CDH13: variants seen among roughly 807,000 people sequenced by gnomAD.
CDH13 encodes the protein cadherin-13.
In CDH13, 24 loss-of-function variants were observed where a neutral mutation model predicts 63.8. That is an observed-to-expected ratio of 0.38 (90% CI 0.27 to 0.53). The LOEUF (loss-of-function observed/expected upper bound fraction) is 0.53. Ranked by LOEUF, CDH13 falls within the 20% of genes least tolerant of loss-of-function variation. The pLI is 0.85. For missense variants in CDH13, 1,049 were observed against 903.1 expected, an observed-to-expected ratio of 1.16 and a Z score of -2.07; for synonymous variants, 503 against 355.3, an observed-to-expected ratio of 1.42 and a Z score of -4.67.
At chr16:83,119,127 C>G (rs1446355743) in intron 3 of CDH13, among the ~76,000 whole-genome samples, 1 of 152,190 alleles carries the variant, frequency 6.6e-6, no homozygotes, top group Admixed American at 6.5e-5. Context: ...TGGAGGAGAC[C>G]TCTGCCTTGT....
chr16:82,657,560 C>G (rs940730751), intron 1 of CDH13, among the ~76,000 whole-genome samples: 2 of 152,170 alleles, frequency 1.3e-5, no homozygotes, highest in Admixed American at 1.3e-4. Context: ...TATTTTCAGA[C>G]TGTGATTGAC....
intron 1 of CDH13, among the ~76,000 whole-genome samples, chr16:82,749,275 C>A (rs1444614762): frequency 6.6e-6 from 1 of 152,152 alleles, no homozygotes; most frequent in Non-Finnish European, 1.5e-5. Context: ...CCTTGAGCTT[C>A]CCCATTACAT....
intron 3 of CDH13, among the ~76,000 whole-genome samples, chr16:83,123,348 C>A (rs1027627014): frequency 1.3e-5 from 2 of 151,902 alleles, no homozygotes; most frequent in African/African-American, 4.8e-5. Context: ...GGCGCGATCT[C>A]GGCTCACTGC....
intron 2 of CDH13, among the ~76,000 whole-genome samples, chr16:82,961,831 G>A (rs556790130): frequency 6.6e-6 from 1 of 152,184 alleles, no homozygotes; most frequent in Admixed American, 6.5e-5. Flanking sequence ...TCACCGTTGG[G>A]ATGGGGGCTG....
At chr16:83,773,918 C>G (rs753073052) in intron 11 of CDH13, among the ~76,000 whole-genome samples, 5 of 152,150 alleles carry the variant, frequency 3.3e-5, no homozygotes, top group Non-Finnish European at 7.3e-5. Flanking sequence ...TTCCTCCTTT[C>G]TCTCCATCCT....
intron 4 of CDH13, among the ~76,000 whole-genome samples, chr16:83,214,273 A>C (rs1469592645): frequency 6.6e-6 from 1 of 151,894 alleles, no homozygotes; most frequent in Non-Finnish European, 1.5e-5. Context: ...AGGCCTGTGA[A>C]TTTTGTTATT....
At chr16:83,320,817 A>G (rs945680107) in intron 5 of CDH13, among the ~76,000 whole-genome samples, 1 of 152,204 alleles carries the variant, frequency 6.6e-6, no homozygotes, top group Non-Finnish European at 1.5e-5. Context: ...AGTGGAGCCC[A>G]TTAGATCTCT....
chr16:82,712,049 C>G (rs964688941), intron 1 of CDH13, among the ~76,000 whole-genome samples: 2 of 152,192 alleles, frequency 1.3e-5, no homozygotes, highest in East Asian at 1.9e-4. Flanking sequence ...ATACTCCATA[C>G]TTCTCTTGGG....
chr16:83,562,623 T>A (rs8046640), intron 7 of CDH13, among the ~76,000 whole-genome samples: 1 of 151,762 alleles, frequency 6.6e-6, no homozygotes, highest in African/African-American at 2.4e-5. Context: ...TAGATTGTCT[T>A]TGTTCTTCAT....
At chr16:82,979,998 T>C (rs549420836) in intron 2 of CDH13, among the ~76,000 whole-genome samples, 1 of 152,318 alleles carries the variant, frequency 6.6e-6, no homozygotes, top group Admixed American at 6.5e-5. Flanking sequence ...ATTAATGGAA[T>C]ATTTTATAAA....
At chr16:83,426,725 C>T (rs2071913073) in intron 6 of CDH13, among the ~76,000 whole-genome samples, 1 of 151,958 alleles carries the variant, frequency 6.6e-6, no homozygotes, top group Admixed American at 6.6e-5. Context: ...TGATAGTCCT[C>T]ATTCTCCCTA....
intron 4 of CDH13, among the ~76,000 whole-genome samples, chr16:83,202,212 C>G (rs1049156350): frequency 6.6e-6 from 1 of 152,124 alleles, no homozygotes; most frequent in Non-Finnish European, 1.5e-5. Flanking sequence ...TTGGATAGGA[C>G]GCTCTGGGTC....
intron 1 of CDH13, among the ~76,000 whole-genome samples, chr16:82,792,878 A>C (rs1410780732): frequency 6.6e-6 from 1 of 152,216 alleles, no homozygotes; most frequent in Non-Finnish European, 1.5e-5. Context: ...TTTGTAAGAA[A>C]GTCCACATGA....
chr16:82,847,231 A>T (rs1014171939), intron 1 of CDH13, among the ~76,000 whole-genome samples: 2 of 152,252 alleles, frequency 1.3e-5, no homozygotes, highest in African/African-American at 4.8e-5. Flanking sequence ...CTGCTGTAAC[A>T]AATGACCACA....
chr16:82,639,445 C>G, intron 1 of CDH13: 1 of 1,534,814 alleles, frequency 6.5e-7, no homozygotes, highest in Non-Finnish European at 8.7e-7. Context: ...GCGTGACCCA[C>G]CTGCAGCTTC....
rs1402118530 is a variant in CDH13 at position 83,486,657 on chromosome 16, T to C, written c.960+2T>C. 4 of 1,612,768 alleles carry C rather than the reference T, an allele frequency of 2.5e-6. No individual in the cohort carries two copies. Among genetic ancestry groups the C allele is most frequent in the Non-Finnish European group, 3.4e-6 (4 of 1,179,130 alleles). The stretch of plus-strand genomic sequence containing the variant: ...TCACCTGCGCTGCTGGACCGAGAGG[T>C]GAGCTGAAAAGAATACACTTTCTTT... On this transcript the variant is annotated splice_donor_variant, in intron 7 of 13. Transcript: ENST00000567109. LOFTEE classifies it high-confidence loss of function.
At chr16:83,060,003 C>A (rs932277545) in intron 3 of CDH13, among the ~76,000 whole-genome samples, 1 of 151,896 alleles carries the variant, frequency 6.6e-6, no homozygotes, top group African/African-American at 2.4e-5. Flanking sequence ...ACCGTGTTAG[C>A]CAGGGTGGTC....
At chr16:83,090,573 CAAAAAAAA>C (rs372312398) in intron 3 of CDH13, among the ~76,000 whole-genome samples, 2,368 of 129,984 alleles carry the variant, frequency 0.018, 53 homozygotes, top group African/African-American at 0.063. Context: ...AACTGCATCT[CAAAAAAAA>C]AAAAAAAAAT....
At chr16:82,787,676 C>A (rs1597580970) in intron 1 of CDH13, among the ~76,000 whole-genome samples, 1 of 152,206 alleles carries the variant, frequency 6.6e-6, no homozygotes, top group East Asian at 1.9e-4. Flanking sequence ...GGTGAATGGG[C>A]TTTCACAGGG....
Sources: allele counts gnomAD v4.1 joint callset (sites outside exome capture counted in the v4.1 genomes callset), GRCh38; gene constraint gnomAD v4.1.1; transcripts MANE v1.5; gene names NCBI Gene and HGNC (gene_info 2026-07-23, HGNC 2026-07-21).